ITSN1: variants seen among roughly 807,000 people sequenced by gnomAD.
The protein encoded by ITSN1 is intersectin-1.
Under a neutral mutation model 239.8 loss-of-function variants are expected in ITSN1, and 58 were observed. The ratio of observed to expected loss-of-function variants is 0.24; its 90% CI spans 0.20 to 0.30. The LOEUF (loss-of-function observed/expected upper bound fraction) is 0.30, where lower values mean the gene tolerates loss of function less well. Ranked by LOEUF, ITSN1 falls within the 10% of genes least tolerant of loss-of-function variation. The pLI is 1.00. For synonymous variants in ITSN1, 780 were observed against 770.8 expected (o/e 1.01, Z -0.20); for missense variants, 1,558 against 2,103.3 (o/e 0.74, Z 5.07).
chr21:33,671,287 T>C (rs958378151), intron 1 of ITSN1, among the ~76,000 whole-genome samples: 1 of 151,704 alleles, frequency 6.6e-6, no homozygotes, highest in Non-Finnish European at 1.5e-5. Flanking sequence ...TTCTTGTTTT[T>C]TGTTTGTTTG....
Position 33,875,452 on chromosome 21 carries a change from G to A in ITSN1, c.4272G>A (p.Val1424=). Residue 1424 remains valine (V), a synonymous_variant, in exon 34 of 40, where the codon GTG becomes GTA. Coordinates refer to ENST00000381318, the MANE Select transcript of ITSN1 (RefSeq NM_003024.3). ...TCTGTTCCCAGGTGAACGAAGGGGTGCGGGAGAAGGAGAACTCTGACCGGC... is the reference window on the plus strand; with the variant it reads ...TCTGTTCCCAGGTGAACGAAGGGGTACGGGAGAAGGAGAACTCTGACCGGC... ...EELCSQVNEG[V]REKENSDRLE... 1 of 1,614,182 alleles carries A rather than the reference G, an allele frequency of 6.2e-7. No homozygotes were observed.
intron 5 of ITSN1, among the ~76,000 whole-genome samples, chr21:33,747,525 A>G (rs1311580706): frequency 6.6e-6 from 1 of 152,224 alleles, no homozygotes; most frequent in Non-Finnish European, 1.5e-5. Context: ...AGAGATCTAC[A>G]CCCAGACACA....
chr21:33,664,929 A>T (rs2089825917), intron 1 of ITSN1, among the ~76,000 whole-genome samples: 1 of 149,184 alleles, frequency 6.7e-6, no homozygotes, highest in Middle Eastern at 3.4e-3. Flanking sequence ...GAAAAGATGC[A>T]TGATAGGCTT....
At chr21:33,741,894 CAAAAAAAAAA>C (rs57036929) in intron 5 of ITSN1, among the ~76,000 whole-genome samples, 1 of 74,142 alleles carries the variant, frequency 1.3e-5, no homozygotes, top group African/African-American at 4.9e-5. Flanking sequence ...GATTCCGTCT[CAAAAAAAAAA>C]AAAAAAAAAA....
intron 4 of ITSN1, among the ~76,000 whole-genome samples, chr21:33,733,237 C>T (rs2834254): frequency 0.17 from 26,501 of 151,992 alleles, 3,148 homozygotes; most frequent in African/African-American, 0.32. Flanking sequence ...AGAAATAGTT[C>T]TCACTTCATA....
chr21:33,686,534 C>T (rs143609768), intron 1 of ITSN1, among the ~76,000 whole-genome samples: 3 of 152,144 alleles, frequency 2.0e-5, no homozygotes, highest in East Asian at 1.9e-4. Flanking sequence ...GAGTGCTCGC[C>T]GATGTATCCT....
chr21:33,850,363 G>T (rs572263193), intron 29 of ITSN1, among the ~76,000 whole-genome samples: 3 of 152,244 alleles, frequency 2.0e-5, no homozygotes, highest in Admixed American at 2.0e-4. Context: ...ACCCACGAGG[G>T]TCTCTGGTGC....
intron 5 of ITSN1, among the ~76,000 whole-genome samples, chr21:33,741,894 CAAAAA>C (rs57036929): frequency 2.7e-5 from 2 of 74,140 alleles, no homozygotes; most frequent in Non-Finnish European, 5.1e-5. Flanking sequence ...GATTCCGTCT[CAAAAA>C]AAAAAAAAAA....
intron 1 of ITSN1, among the ~76,000 whole-genome samples, chr21:33,717,362 A>G (rs2065211983): frequency 6.6e-6 from 1 of 151,636 alleles, no homozygotes; most frequent in Non-Finnish European, 1.5e-5. Flanking sequence ...ACGCCTGGCT[A>G]ATTTTTGTAT....
intron 1 of ITSN1, among the ~76,000 whole-genome samples, chr21:33,687,620 CTT>C (rs1487804773): frequency 6.6e-6 from 1 of 152,084 alleles, no homozygotes; most frequent in Non-Finnish European, 1.5e-5. Context: ...AACATGTTAA[CTT>C]TGAAAATGAA....
Position 33,885,038 on chromosome 21 carries a change from A to G in ITSN1, c.4677-3A>G, listed in dbSNP as rs779751613. 5.6e-6 allele frequency: 9 copies of G among 1,613,540 alleles called. No individual in the cohort carries two copies. In the African/African-American group the frequency reaches 8.0e-5, roughly 14 times the overall value. ...GGCAACTTTCTGTCTTTTTCTGTCC[A>G]AGGACTGCCTGGGTGCAGAAAATCA... is the stretch of plus-strand genomic sequence containing the variant. On this transcript the variant is annotated splice_region_variant and splice_polypyrimidine_tract_variant and intron_variant, in intron 36 of 39. Coordinates refer to ENST00000381318, the MANE Select transcript of ITSN1 (RefSeq NM_003024.3).
chr21:33,663,397 A>C (rs5027405), intron 1 of ITSN1, among the ~76,000 whole-genome samples: 152,400 of 152,400 alleles, frequency 1, 76,200 homozygotes, highest in Non-Finnish European at 1. Flanking sequence ...GCCGTTAGGC[A>C]TAGCTTTGCT....
chr21:33,697,423 A>G (rs1483738540), intron 1 of ITSN1, among the ~76,000 whole-genome samples: 1 of 151,930 alleles, frequency 6.6e-6, no homozygotes, highest in Non-Finnish European at 1.5e-5. Flanking sequence ...TCTACATTAC[A>G]CAGATGACAA....
chr21:33,728,147 T>C (rs1406441902), intron 4 of ITSN1, among the ~76,000 whole-genome samples: 1 of 152,090 alleles, frequency 6.6e-6, no homozygotes, highest in Non-Finnish European at 1.5e-5. Flanking sequence ...GTATTTTTAG[T>C]AGAGACGGGG....
intron 27 of ITSN1, among the ~76,000 whole-genome samples, 179 bp from the exon 28 acceptor site, chr21:33,834,128 A>G (rs1030704416): frequency 6.6e-6 from 1 of 152,160 alleles, no homozygotes; most frequent in African/African-American, 2.4e-5. Context: ...TGATTGCCAC[A>G]ATTTGAATTT....
At chr21:33,803,787 A>C (rs1020371726) in intron 20 of ITSN1, among the ~76,000 whole-genome samples, 6 of 152,196 alleles carry the variant, frequency 3.9e-5, no homozygotes, top group Non-Finnish European at 7.4e-5. Context: ...GAGAGTATCT[A>C]CTCAGGACTG....
At chr21:33,776,116 G>C (rs1329424460) in intron 14 of ITSN1, among the ~76,000 whole-genome samples, 1 of 152,140 alleles carries the variant, frequency 6.6e-6, no homozygotes, top group Non-Finnish European at 1.5e-5. Context: ...TGATATTCAG[G>C]TTCTTTCCAG....
intron 34 of ITSN1, 93 bp downstream of exon 34, chr21:33,875,614 TC>T: frequency 8.5e-7 from 1 of 1,178,154 alleles, no homozygotes. Context: ...ACCATTCTCC[TC>T]CCCAGCCGAT....
In ITSN1 at chr21:33,713,530, C is replaced by T. The variant is rs889407849; in HGVS notation, c.-32-5267C>T. Among the ~76,000 whole-genome samples, 14 of 152,212 alleles carry T rather than the reference C, an allele frequency of 9.2e-5. No individual in the cohort carries two copies. The South Asian group carries it at 1.0e-3, about 11-fold the overall frequency. ...GTGCTGGGATTACAGGCGTGAGCAC[C>T]ACTCCCGGTCTCAACATGGTAGCCT... is the stretch of plus-strand genomic sequence containing the variant. On this transcript the variant is annotated intron_variant, in intron 1 of 39. Transcript: ENST00000381318.
Sources: gnomAD v4.1 joint callset for allele counts (sites outside exome capture counted in the v4.1 genomes callset) on GRCh38, gnomAD v4.1.1 for gene constraint, MANE v1.5 for transcripts, NCBI Gene and HGNC (gene_info 2026-07-23, HGNC 2026-07-21) for gene names.